The following ZNF385D variants were observed in gnomAD, a reference collection of about 807,000 sequenced individuals.
ZNF385D encodes the protein zinc finger protein 385D, also known as zinc finger protein 659.
ZNF385D carries 15 observed loss-of-function variants against 35.8 expected under a neutral mutation model. The ratio of observed to expected loss-of-function variants is 0.42; its 90% CI spans 0.28 to 0.64. ZNF385D has a LOEUF of 0.64. ZNF385D is among the 30% of genes least tolerant of loss of function. The pLI, the probability that ZNF385D is intolerant of heterozygous loss-of-function variation, is 0.23. For missense variants in ZNF385D, 474 were observed against 494.6 expected, an observed-to-expected ratio of 0.96 and a Z score of 0.39; for synonymous variants, 212 against 186.8, an observed-to-expected ratio of 1.13 and a Z score of -1.10.
At chr3:21,511,871 G>A (rs1244790896) in intron 3 of ZNF385D, 12 of 442,098 alleles carry the variant, frequency 2.7e-5, no homozygotes, top group Middle Eastern at 4.8e-4. Flanking sequence ...ATTAATTACC[G>A]GGCGTGGTGG....
chr3:21,441,728 C>T (rs1701870083), intron 4 of ZNF385D: 15 of 985,272 alleles, frequency 1.5e-5, no homozygotes, highest in Non-Finnish European at 1.8e-5. Flanking sequence ...GGCTTCATTG[C>T]ACCTTTTTTT....
rs1696004573 is a variant in ZNF385D, at chr3:22,191,256, C to T, written c.107-22221G>A. On this transcript the variant is annotated intron_variant, in intron 2 of 5. Coordinates refer to the ZNF385D transcript ENST00000494108. ...CTATAATCCCAGCACTTTGGGAGGC[C>T]GAGGCAGGCGGATCACCTGACGTCA... Among the ~76,000 whole-genome samples the T allele has an allele frequency of 2.6e-5, 4 of 151,904 alleles. No individual in the cohort carries two copies. In the South Asian group the frequency reaches 8.3e-4, roughly 32 times the overall value.
intron 3 of ZNF385D, among the ~76,000 whole-genome samples, chr3:21,805,691 C>G (rs1171299597): frequency 6.6e-6 from 1 of 152,174 alleles, no homozygotes; most frequent in African/African-American, 2.4e-5. Flanking sequence ...TAATTTTCCT[C>G]AGAGTTGCCA....
intron 3 of ZNF385D, among the ~76,000 whole-genome samples, chr3:21,931,093 AT>A (rs908193896): frequency 7.2e-5 from 11 of 152,316 alleles, no homozygotes; most frequent in Admixed American, 2.0e-4. Context: ...ATATAAAGAA[AT>A]TTTTCAATCC....
chr3:21,424,321 T>A (rs1187669434), intron 6 of ZNF385D, among the ~76,000 whole-genome samples: 627 of 47,634 alleles, frequency 0.013, 21 homozygotes, highest in African/African-American at 0.039. Flanking sequence ...ATATATATTT[T>A]TTTTTTTTTT....
chr3:21,634,940 T>C (rs965774416), intron 2 of ZNF385D, among the ~76,000 whole-genome samples: 1 of 152,024 alleles, frequency 6.6e-6, no homozygotes, highest in Admixed American at 6.6e-5. Context: ...TTCATACATA[T>C]CAGGATAACT....
At chr3:21,970,023 A>C (rs1041233772) in intron 3 of ZNF385D, among the ~76,000 whole-genome samples, 1 of 152,216 alleles carries the variant, frequency 6.6e-6, no homozygotes, top group Non-Finnish European at 1.5e-5. Flanking sequence ...CCTAAGGCAG[A>C]TATAGCTGCG....
chr3:21,894,069 A>T (rs1699012455), intron 3 of ZNF385D, among the ~76,000 whole-genome samples: 1 of 152,142 alleles, frequency 6.6e-6, no homozygotes, highest in Non-Finnish European at 1.5e-5. Context: ...AGTTAGATAC[A>T]TGTTTTCCAT....
intron 3 of ZNF385D, among the ~76,000 whole-genome samples, chr3:21,980,576 TTTTA>T (rs1337781828): frequency 1.3e-5 from 2 of 152,162 alleles, no homozygotes; most frequent in Non-Finnish European, 2.9e-5. Flanking sequence ...CCTTTTAAAC[TTTTA>T]TTTTAGATTT....
At chr3:21,699,420 T>C (rs917844028) in intron 1 of ZNF385D, among the ~76,000 whole-genome samples, 1 of 152,044 alleles carries the variant, frequency 6.6e-6, no homozygotes, top group Admixed American at 6.6e-5. Flanking sequence ...CAAACCACCA[T>C]GGCAAGTGTA....
intron 2 of ZNF385D, among the ~76,000 whole-genome samples, chr3:21,568,323 C>G (rs2063219243): frequency 1.3e-5 from 2 of 152,256 alleles, no homozygotes; most frequent in Middle Eastern, 6.8e-3. Flanking sequence ...AAAGTAGCCT[C>G]TACTGTCAAA....
At chr3:21,829,857 C>T (rs1694878471) in intron 3 of ZNF385D, among the ~76,000 whole-genome samples, 1 of 152,032 alleles carries the variant, frequency 6.6e-6, no homozygotes, top group Non-Finnish European at 1.5e-5. Flanking sequence ...TGACATGGGG[C>T]TTACGCCTGT....
chr3:21,972,597 T>G (rs1412686596), intron 3 of ZNF385D, among the ~76,000 whole-genome samples: 2 of 151,522 alleles, frequency 1.3e-5, no homozygotes, highest in Non-Finnish European at 3.0e-5. Context: ...CAGAAATAAA[T>G]GAAATTGAAA....
At chr3:21,551,215 A>T (rs1028597667) in intron 3 of ZNF385D, among the ~76,000 whole-genome samples, 1 of 152,154 alleles carries the variant, frequency 6.6e-6, no homozygotes, top group African/African-American at 2.4e-5. Flanking sequence ...AAACACATAG[A>T]TCTTCCTCCA....
rs551459854 is a variant in ZNF385D, at chr3:22,268,605, G to C, written c.107-99570C>G. 1.5e-4 allele frequency among the ~76,000 whole-genome samples: 23 copies of C among 152,176 alleles called. No homozygotes were observed. The East Asian group carries it at 4.1e-3, about 27-fold the overall frequency. On this transcript the variant is annotated intron_variant, in intron 2 of 5. Coordinates refer to the ZNF385D transcript ENST00000494108. ...GCTCTGTTCTAGTAAAATTTTAGTT[G>C]CAAGATAAATTTGGCATGGGCCATA...
At chr3:22,114,492 G>C (rs941133925) in intron 3 of ZNF385D, among the ~76,000 whole-genome samples, 9 of 152,028 alleles carry the variant, frequency 5.9e-5, no homozygotes, top group Non-Finnish European at 1.3e-4. Flanking sequence ...AGTGCAAGTA[G>C]TTTATTTGGG....
intron 3 of ZNF385D, among the ~76,000 whole-genome samples, chr3:21,557,906 T>C (rs986145814): frequency 6.6e-6 from 1 of 152,180 alleles, no homozygotes. Context: ...CAGGAATTTA[T>C]CCATTTCTTC....
intron 1 of ZNF385D, among the ~76,000 whole-genome samples, chr3:21,713,040 C>T (rs1453197509): frequency 6.6e-6 from 1 of 152,114 alleles, no homozygotes; most frequent in East Asian, 1.9e-4. Flanking sequence ...TTTCACTTGC[C>T]CACTATGCCA....
At position 21,445,951 on chromosome 3, in the gene ZNF385D, C is replaced by T. The variant is rs545031890; in HGVS notation, c.440-8748G>A. Among the ~76,000 whole-genome samples the T allele has an allele frequency of 1.5e-3, 235 of 152,276 alleles. 2 individuals are homozygous for T. The highest frequency in any genetic ancestry group is 5.4e-3 in the African/African-American group (223 of 41,564). On this transcript the variant is annotated intron_variant, in intron 4 of 7. Transcript: ENST00000281523. ...TTTGGCTCTCAAAACATCCCCCTAT[C>T]ATGGGGCCAAGATGTTGGGGAAATT...
Sources: gnomAD v4.1 joint callset for allele counts (sites outside exome capture counted in the v4.1 genomes callset) on GRCh38, gnomAD v4.1.1 for gene constraint, MANE v1.5 for transcripts, NCBI Gene and HGNC (gene_info 2026-07-23, HGNC 2026-07-21) for gene names.